TBC1D22A: variants seen among roughly 807,000 people sequenced by gnomAD.
TBC1D22A encodes the protein putative GTPase activator.
In TBC1D22A, 38 loss-of-function variants were observed where a neutral mutation model predicts 60.2. That is an observed-to-expected ratio of 0.63 (90% CI 0.49 to 0.83). The LOEUF is 0.83. Among genes scored for constraint, TBC1D22A ranks in the 40% least tolerant of loss-of-function variants. The pLI is 0.00. For synonymous variants in TBC1D22A, 302 were observed against 281.7 expected, an observed-to-expected ratio of 1.07 and a Z score of -0.72; for missense variants, 628 against 701.0, an observed-to-expected ratio of 0.90 and a Z score of 1.18.
At position 47,121,576 on chromosome 22, in the gene TBC1D22A, T is replaced by TA. The variant is rs2066272384; in HGVS notation, c.1425+9974dup. Among the ~76,000 whole-genome samples the TA allele has an allele frequency of 2.0e-5, 3 of 152,154 alleles. No individual in the cohort carries two copies. In the South Asian group the frequency reaches 6.2e-4, roughly 31 times the overall value. The stretch of plus-strand genomic sequence containing the variant: ...AAATTGTATATATCGACATATGTAA[T>TA]ACAGATAAAAATGATCCCAGATTTG... On this transcript the variant is annotated intron_variant, in intron 12 of 12. Coordinates refer to ENST00000337137, the MANE Select transcript of TBC1D22A (RefSeq NM_014346.5).
chr22:46,807,256 T>TGTGATTGTGATTGTGGGG (rs2085185790), intron 4 of TBC1D22A, among the ~76,000 whole-genome samples: 1 of 151,400 alleles, frequency 6.6e-6, no homozygotes, highest in Non-Finnish European at 1.5e-5. Flanking sequence ...TAGTGTTGAT[T>TGTGATTGTGATTGTGGGG]GTGATGGTGA....
Position 46,933,331 on chromosome 22 carries a change from C to T in TBC1D22A, c.1015+21143C>T, listed in dbSNP as rs561053581. ...GTGCAGGTCCTGGGCCTCAGGTGGG[C>T]CTTCCCATTAGGTAAGCAGTGTCTT... On this transcript the variant is annotated intron_variant, in intron 8 of 12. Coordinates refer to ENST00000337137, the MANE Select transcript of TBC1D22A (RefSeq NM_014346.5). Among the ~76,000 whole-genome samples the T allele has an allele frequency of 2.1e-4, 32 of 152,260 alleles. No homozygotes were observed. In the South Asian group the frequency reaches 6.4e-3, roughly 31 times the overall value.
At chr22:47,055,034 C>A (rs777002778) in intron 11 of TBC1D22A, among the ~76,000 whole-genome samples, 2 of 152,180 alleles carry the variant, frequency 1.3e-5, no homozygotes, top group Non-Finnish European at 2.9e-5. Context: ...CTCTTAGCCG[C>A]TTCTTTCTTG....
intron 8 of TBC1D22A, among the ~76,000 whole-genome samples, chr22:46,950,295 A>G (rs2072819137): frequency 6.6e-6 from 1 of 152,178 alleles, no homozygotes; most frequent in Admixed American, 6.5e-5. Flanking sequence ...TAGAGTTGCC[A>G]TTCCTGAGTG....
At chr22:47,145,557 G>T (rs781364209) in intron 12 of TBC1D22A, among the ~76,000 whole-genome samples, 8 of 152,204 alleles carry the variant, frequency 5.3e-5, no homozygotes, top group Non-Finnish European at 8.8e-5. Context: ...CATATGAAGT[G>T]GTGATCAAAT....
chr22:46,912,163 T>A lies in TBC1D22A; in HGVS notation c.990T>A (p.Phe330Leu). 6.2e-7 allele frequency: 1 copy of A among 1,613,828 alleles called. No individual in the cohort carries two copies. The highest frequency in any genetic ancestry group is 8.5e-7 in the Non-Finnish European group (1 of 1,179,892). Reference protein sequence around the residue: ...QGINDLVTPFFVVFICEYIEA... With the variant: ...QGINDLVTPFLVVFICEYIEA... ...TAAATGATCTCGTCACTCCTTTCTT[T>A]GTGGTCTTCATTTGTGAATACATAG... is the stretch of plus-strand genomic sequence containing the variant. Residue 330 changes from phenylalanine (F) to leucine (L), a missense_variant, in exon 8 of 13, where the codon TTT (phenylalanine) becomes TTA (leucine). Phe to Leu is a conservative substitution (Grantham distance 22). Transcript: ENST00000337137.
chr22:46,763,128 T>C, intron 1 of TBC1D22A: 1 of 424,368 alleles, frequency 2.4e-6, no homozygotes, highest in Non-Finnish European at 4.2e-6. Flanking sequence ...ACTCCTGGGC[T>C]CCTTGGGGAG....
chr22:46,763,024 G>C (rs55825943), intron 1 of TBC1D22A, among the ~76,000 whole-genome samples, 176 bp downstream of exon 1: 6,812 of 152,084 alleles, frequency 0.045, 484 homozygotes, highest in African/African-American at 0.16. Context: ...GTGGGGTCTG[G>C]GGGTGACAGT....
chr22:46,767,003 C>T (rs952364366), intron 1 of TBC1D22A, among the ~76,000 whole-genome samples: 4 of 152,140 alleles, frequency 2.6e-5, no homozygotes, highest in African/African-American at 9.7e-5. Flanking sequence ...TTGTCAGTAC[C>T]GATACCTGGT....
intron 4 of TBC1D22A, among the ~76,000 whole-genome samples, chr22:46,818,400 T>TA (rs2085690045): frequency 6.6e-6 from 1 of 152,246 alleles, no homozygotes; most frequent in Non-Finnish European, 1.5e-5. Flanking sequence ...TGTAAGTCTT[T>TA]AAGCCATCTT....
intron 4 of TBC1D22A, among the ~76,000 whole-genome samples, chr22:46,864,155 C>T (rs140465166): frequency 6.6e-6 from 1 of 152,320 alleles, no homozygotes; most frequent in Non-Finnish European, 1.5e-5. Flanking sequence ...CACACCCCAA[C>T]TTTCAAATAG....
At chr22:46,992,227 G>C (rs767153114) in intron 9 of TBC1D22A, among the ~76,000 whole-genome samples, 1 of 152,230 alleles carries the variant, frequency 6.6e-6, no homozygotes, top group Non-Finnish European at 1.5e-5. Flanking sequence ...CAGAGGAAGC[G>C]GTATAAGCTT....
At chr22:47,085,132 T>C (rs1189626760) in intron 11 of TBC1D22A, among the ~76,000 whole-genome samples, 1 of 152,108 alleles carries the variant, frequency 6.6e-6, no homozygotes, top group Non-Finnish European at 1.5e-5. Flanking sequence ...AATACAAAAA[T>C]TAGCCGGATA....
chr22:46,912,060 C>G lies in TBC1D22A; in HGVS notation c.901-14C>G, dbSNP rs767628265. The G allele has an allele frequency of 7.5e-6, 12 of 1,599,624 alleles. No homozygotes were observed. Among genetic ancestry groups the G allele is most frequent in the Non-Finnish European group, 1.0e-5 (12 of 1,170,408 alleles). On this transcript the variant is annotated splice_polypyrimidine_tract_variant and intron_variant, in intron 7 of 12. Transcript: ENST00000337137. ...TTTACTTTTTGCTTTACCACCTGTT[C>G]CATTTTCTTTCAGATTTTTGAAAGG...
chr22:47,080,850 T>C (rs949995358), intron 11 of TBC1D22A, among the ~76,000 whole-genome samples: 6 of 152,104 alleles, frequency 3.9e-5, no homozygotes, highest in Non-Finnish European at 8.8e-5. Context: ...TGGCCGGGCA[T>C]GGTGGCTCAC....
At chr22:46,960,968 A>C (rs2073470067) in intron 8 of TBC1D22A, among the ~76,000 whole-genome samples, 1 of 147,436 alleles carries the variant, frequency 6.8e-6, no homozygotes, top group South Asian at 2.1e-4. Context: ...AAAAAAAAAA[A>C]AAAAAAAAAG....
chr22:46,816,598 G>T (rs990761922), intron 4 of TBC1D22A, among the ~76,000 whole-genome samples: 9 of 152,216 alleles, frequency 5.9e-5, no homozygotes, highest in African/African-American at 2.2e-4. Flanking sequence ...GCTTTAGGCA[G>T]TGGAGTGAGG....
At chr22:47,019,500 G>A (rs2062009691) in intron 10 of TBC1D22A, among the ~76,000 whole-genome samples, 1 of 152,192 alleles carries the variant, frequency 6.6e-6, no homozygotes, top group South Asian at 2.1e-4. Flanking sequence ...GCTGTGCAGA[G>A]GTTGGGACAT....
At chr22:47,101,298 G>A (rs780588739) in intron 11 of TBC1D22A, among the ~76,000 whole-genome samples, 4 of 152,228 alleles carry the variant, frequency 2.6e-5, no homozygotes, top group Non-Finnish European at 5.9e-5. Flanking sequence ...GAGGAAGACT[G>A]GAAGTGTCCC....
Sources: gnomAD v4.1 joint callset for allele counts (sites outside exome capture counted in the v4.1 genomes callset) on GRCh38, gnomAD v4.1.1 for gene constraint, MANE v1.5 for transcripts, NCBI Gene and HGNC (gene_info 2026-07-23, HGNC 2026-07-21) for gene names.